Variants in HACE1 observed in about 807,000 individuals in gnomAD.
HACE1 encodes E3 ubiquitin-protein ligase HACE1.
In HACE1, 73 loss-of-function variants were observed where a neutral mutation model predicts 118.4. That is an observed-to-expected ratio of 0.62 (90% CI 0.51 to 0.75). The LOEUF (loss-of-function observed/expected upper bound fraction) is 0.75, where lower values mean the gene tolerates loss of function less well. Among genes scored for constraint, HACE1 ranks in the 30% least tolerant of loss-of-function variants. The pLI is 0.00. For missense variants in HACE1, 749 were observed against 1,102.2 expected, an observed-to-expected ratio of 0.68 and a Z score of 4.54; for synonymous variants, 368 against 374.8, an observed-to-expected ratio of 0.98 and a Z score of 0.21.
chr6:104,729,462 A>G lies in HACE1; in HGVS notation c.*200T>C. ...AAAAAATAAAATCTACTGTGATTTT[A>G]TATTTTCTAATTGTATCACAAACAG... On this transcript the variant is annotated 3_prime_UTR_variant, in exon 24 of 24. Transcript: ENST00000262903. The G allele has an allele frequency of 1.7e-6, 1 of 586,088 alleles. No homozygotes were observed. 36.3% of individuals were successfully genotyped at this position (586,088 alleles called of 1,614,324 possible). A position where few individuals can be genotyped will look rare whatever the true frequency, so the allele number is the denominator to read the frequency against.
Position 104,785,501 on chromosome 6 carries a change from T to C in HACE1, c.1075-182A>G, listed in dbSNP as rs1206502676. ...GTAATAAAATTATACAAATGCTACA[T>C]AAATGACAATTTCTTCATTTATGGC... On this transcript the variant is annotated intron_variant, in intron 11 of 23. Coordinates refer to ENST00000262903, the MANE Select transcript of HACE1 (RefSeq NM_020771.4). 7.1e-6 allele frequency: 4 copies of C among 565,388 alleles called. No homozygotes were observed. In the East Asian group the frequency reaches 1.2e-4, roughly 17 times the overall value. 35.0% of individuals were successfully genotyped at this position (565,388 alleles called of 1,614,324 possible). A position where few individuals can be genotyped will look rare whatever the true frequency, so the allele number is the denominator to read the frequency against.
intron 11 of HACE1, among the ~76,000 whole-genome samples, chr6:104,790,472 G>A (rs1782907725): frequency 6.6e-6 from 1 of 152,172 alleles, no homozygotes; most frequent in South Asian, 2.1e-4. Flanking sequence ...ATGTAAGTTG[G>A]CTGGGTGCAG....
rs147296197 is a variant in HACE1 at position 104,764,458 on chromosome 6, C to G, written c.2211+6735G>C. ...GGTCTTCTAGGAATGAGGAGTCATT[C>G]TGCTGGATGGATTTTTAAATGTTTC... On this transcript the variant is annotated intron_variant, in intron 19 of 23. Coordinates refer to ENST00000262903, the MANE Select transcript of HACE1 (RefSeq NM_020771.4). Among the ~76,000 whole-genome samples the G allele has an allele frequency of 1.3e-3, 195 of 152,318 alleles. 1 individual carries two copies. Among genetic ancestry groups the G allele is most frequent in the African/African-American group, 4.4e-3 (182 of 41,570 alleles).
rs929706438 is a variant in HACE1 at position 104,787,419 on chromosome 6, T to C, written c.1075-2100A>G. ...ATACCTTCACTGAAAATTCTAATCA[T>C]GATCCAAGTTGAAACTATAGTTTCT... On this transcript the variant is annotated intron_variant, in intron 11 of 23. Coordinates refer to ENST00000262903, the MANE Select transcript of HACE1 (RefSeq NM_020771.4). 6 of 152,270 alleles carry C rather than the reference T, an allele frequency of 3.9e-5. No homozygotes were observed. The East Asian group carries it at 9.6e-4, about 24-fold the overall frequency. 9.4% of individuals were successfully genotyped at this position (152,270 alleles called of 1,614,324 possible).
intron 4 of HACE1, chr6:104,845,843 AC>A (rs1775619465): frequency 6.6e-6 from 1 of 152,186 alleles, no homozygotes; most frequent in Non-Finnish European, 1.5e-5. Flanking sequence ...TGTTAGGAAA[AC>A]CTTAAGAAAT....
intron 14 of HACE1, among the ~76,000 whole-genome samples, chr6:104,781,752 C>G (rs1194731595): frequency 1.3e-5 from 2 of 152,048 alleles, no homozygotes; most frequent in South Asian, 4.2e-4. Flanking sequence ...CTCCTTATGC[C>G]ACTCTAACCC....
intron 22 of HACE1, 102 bp downstream of exon 22, chr6:104,744,058 A>G: frequency 1.3e-6 from 1 of 768,516 alleles, no homozygotes; most frequent in East Asian, 2.5e-5. Flanking sequence ...GTGGTAAGTT[A>G]CTGACAATTC....
intron 6 of HACE1, among the ~76,000 whole-genome samples, chr6:104,826,009 A>G (rs538463008): frequency 6.6e-6 from 1 of 152,306 alleles, no homozygotes; most frequent in South Asian, 2.1e-4. Flanking sequence ...GAACATCACT[A>G]TCTGAGCTCT....
chr6:104,857,184 T>C (rs1247720018), intron 1 of HACE1, among the ~76,000 whole-genome samples: 1 of 145,804 alleles, frequency 6.9e-6, no homozygotes, highest in Non-Finnish European at 1.5e-5. Flanking sequence ...TTTACATATA[T>C]ATTTACATAT....
Position 104,803,799 on chromosome 6 carries a change from C to A in HACE1, c.618-6774G>T, listed in dbSNP as rs571057290. 1.3e-3 allele frequency among the ~76,000 whole-genome samples: 192 copies of A among 152,136 alleles called. 2 individuals are homozygous for A. The highest frequency in any genetic ancestry group is 4.0e-3 in the Admixed American group (61 of 15,264). On this transcript the variant is annotated intron_variant, in intron 7 of 23. Coordinates refer to ENST00000262903, the MANE Select transcript of HACE1 (RefSeq NM_020771.4). Reference sequence around the variant, plus strand: ...AACTGGAAGCATTCCCTTTGAAAACCGACACAAGAGAAGGATGCCGTCTCT... The same window carrying A: ...AACTGGAAGCATTCCCTTTGAAAACAGACACAAGAGAAGGATGCCGTCTCT...
chr6:104,804,447 C>G (rs542110396), intron 7 of HACE1, among the ~76,000 whole-genome samples: 1 of 152,276 alleles, frequency 6.6e-6, no homozygotes, highest in Non-Finnish European at 1.5e-5. Context: ...CAGCATCATG[C>G]TACCTGACTT....
intron 5 of HACE1, 115 bp downstream of exon 5, chr6:104,843,108 C>T: frequency 1.1e-5 from 8 of 734,542 alleles, no homozygotes; most frequent in Non-Finnish European, 2.0e-5. Context: ...GAGACTCTGT[C>T]TCAAAAAAAA....
At chr6:104,767,506 C>T (rs989464359) in intron 19 of HACE1, among the ~76,000 whole-genome samples, 3 of 152,170 alleles carry the variant, frequency 2.0e-5, no homozygotes, top group Admixed American at 6.5e-5. Flanking sequence ...TTTCACACTC[C>T]AAGCTGAGTT....
chr6:104,859,448 A>C (rs963358922), intron 1 of HACE1, 119 bp downstream of exon 1: 4 of 790,270 alleles, frequency 5.1e-6, no homozygotes, highest in Middle Eastern at 4.7e-4. Context: ...TGGAAAGTAA[A>C]AGTGGGCGTT....
intron 14 of HACE1, among the ~76,000 whole-genome samples, chr6:104,783,651 G>T (rs181709064): frequency 6.6e-6 from 1 of 152,304 alleles, no homozygotes; most frequent in Non-Finnish European, 1.5e-5. Flanking sequence ...GGGAAAGGTG[G>T]TCAGGTCAAA....
chr6:104,831,980 G>GAAGAGGAGGAAGGA (rs71003447), intron 6 of HACE1, among the ~76,000 whole-genome samples: 8 of 62,862 alleles, frequency 1.3e-4, no homozygotes, highest in Non-Finnish European at 2.4e-4. Context: ...GAAGAGAAGA[G>GAAGAGGAGGAAGGA]AGGAAGGAAG....
rs575793646 is a variant in HACE1, at chr6:104,829,574, G to A, written c.534+3468C>T. 2.7e-4 allele frequency among the ~76,000 whole-genome samples: 41 copies of A among 152,158 alleles called. No homozygotes were observed. The South Asian group carries it at 7.9e-3, about 29-fold the overall frequency. Reference sequence around the variant, plus strand: ...AATCAGTGCTAAGCATTCCCTTTATGTTTATATGATCATCATAGGTAACGA... The same window carrying A: ...AATCAGTGCTAAGCATTCCCTTTATATTTATATGATCATCATAGGTAACGA... On this transcript the variant is annotated intron_variant, in intron 6 of 23. Coordinates refer to ENST00000262903, the MANE Select transcript of HACE1 (RefSeq NM_020771.4).
At chr6:104,791,676 T>G (rs781681072) in intron 10 of HACE1, 22 bp from the exon 11 acceptor site, 8 of 1,522,690 alleles carry the variant, frequency 5.3e-6, no homozygotes, top group Non-Finnish European at 7.3e-6. Context: ...AATTAAAATA[T>G]GAGATTAGAG....
intron 19 of HACE1, among the ~76,000 whole-genome samples, chr6:104,754,132 T>C (rs748500141): frequency 3.9e-5 from 6 of 151,906 alleles, no homozygotes; most frequent in East Asian, 3.9e-4. Flanking sequence ...AATAGCAGAA[T>C]AGACCAAGCA....
Sources: allele counts gnomAD v4.1 joint callset (sites outside exome capture counted in the v4.1 genomes callset), GRCh38; gene constraint gnomAD v4.1.1; transcripts MANE v1.5; gene names NCBI Gene and HGNC (gene_info 2026-07-23, HGNC 2026-07-21).